The following CCT3 variants were observed in gnomAD, a reference collection of about 807,000 sequenced individuals.
CCT3 encodes the protein chaperonin containing TCP1 subunit 3, also known as T-complex protein 1 subunit gamma.
CCT3 carries 10 observed loss-of-function variants against 65.3 expected under a neutral mutation model. The observed-to-expected ratio is 0.15, with a 90% confidence interval of 0.09 to 0.26. The LOEUF is 0.26. CCT3 is among the 10% of genes least tolerant of loss of function. CCT3 has a pLI of 1.00. For synonymous variants in CCT3, 225 were observed against 242.3 expected (o/e 0.93, Z 0.66); for missense variants, 626 against 708.7 (o/e 0.88, Z 1.33).
At chr1:156,309,531 A>G (rs1572624626) in intron 13 of CCT3, among the ~76,000 whole-genome samples, 1 of 151,864 alleles carries the variant, frequency 6.6e-6, no homozygotes, top group Admixed American at 6.6e-5. Context: ...GGTTCAAGCG[A>G]TTCTACTACC....
At position 156,320,824 on chromosome 1, in the gene CCT3, A is replaced by G. The variant is rs370204852; in HGVS notation, c.609+15T>C. On this transcript the variant is annotated intron_variant, in intron 7 of 13. Coordinates refer to ENST00000295688, the MANE Select transcript of CCT3 (RefSeq NM_005998.5). The stretch of plus-strand genomic sequence containing the variant: ...ACATATAATTTGACCCAATGTATAC[A>G]CTTTGAAAGTTTACCTTTTCCACTC... 2.6e-6 allele frequency: 4 copies of G among 1,562,308 alleles called. No individual in the cohort carries two copies. The highest frequency in any genetic ancestry group is 3.5e-6 in the Non-Finnish European group (4 of 1,134,202).
intron 11 of CCT3, among the ~76,000 whole-genome samples, chr1:156,311,539 A>C (rs566389930): frequency 5.9e-5 from 9 of 152,334 alleles, no homozygotes; most frequent in African/African-American, 2.2e-4. Flanking sequence ...GATAAGAGCC[A>C]TAACCTATTC....
At chr1:156,323,091 G>A (rs1664634421) in intron 6 of CCT3, among the ~76,000 whole-genome samples, 1 of 151,930 alleles carries the variant, frequency 6.6e-6, no homozygotes, top group Non-Finnish European at 1.5e-5. Flanking sequence ...TGGATCACCT[G>A]AGGTTGAAAG....
At position 156,327,979 on chromosome 1, in the gene CCT3, C is replaced by T. The variant is rs573512793; in HGVS notation, c.305-2890G>A. On this transcript the variant is annotated intron_variant, in intron 5 of 13. Transcript: ENST00000295688. ...GTGAGGAGACCCTCTGCCTGGCAACCGCCCTGTCTGAGAAGTGAGGAGCCC... is the reference window on the plus strand; with the variant it reads ...GTGAGGAGACCCTCTGCCTGGCAACTGCCCTGTCTGAGAAGTGAGGAGCCC... Among the ~76,000 whole-genome samples, 23 of 146,200 alleles carry T rather than the reference C, an allele frequency of 1.6e-4. No individual in the cohort carries two copies. The South Asian group carries it at 4.2e-3, about 27-fold the overall frequency.
chr1:156,338,035 G>C (rs1332174661), intron 1 of CCT3, 119 bp downstream of exon 1: 3 of 1,114,426 alleles, frequency 2.7e-6, no homozygotes, highest in Non-Finnish European at 4.0e-6. Context: ...CCAAAATGAA[G>C]ACGATGATTG....
At chr1:156,334,303 T>G (rs976816061) in intron 4 of CCT3, among the ~76,000 whole-genome samples, 1 of 152,082 alleles carries the variant, frequency 6.6e-6, no homozygotes, top group South Asian at 2.1e-4. Context: ...TTTTACTTTA[T>G]TTTAAAATAG....
At chr1:156,338,128 C>A in intron 1 of CCT3, 26 bp downstream of exon 1, 1 of 1,576,554 alleles carries the variant, frequency 6.3e-7, no homozygotes, top group South Asian at 1.2e-5. Flanking sequence ...AAAGGGGGTC[C>A]ATTTCCTGGC....
At chr1:156,310,797 CA>C (rs1664051632) in intron 12 of CCT3, 108 bp from the exon 13 acceptor site, 1 of 1,443,154 alleles carries the variant, frequency 6.9e-7, no homozygotes, top group Non-Finnish European at 9.5e-7. Flanking sequence ...GGAAAAATGG[CA>C]ATGACAGCAA....
Position 156,337,092 on chromosome 1 carries a change from T to C in CCT3, c.31+1062A>G, listed in dbSNP as rs959937441. 1.5e-5 allele frequency: 19 copies of C among 1,285,246 alleles called. No homozygotes were observed. In the Admixed American group the frequency reaches 2.8e-4, roughly 19 times the overall value. 79.6% of individuals were successfully genotyped at this position (1,285,246 alleles called of 1,614,324 possible). A position where few individuals can be genotyped will look rare whatever the true frequency, so the allele number is the denominator to read the frequency against. ...ATGGAAACATACCAAAGGAAGACAA[T>C]GGAGGTGGTGCTCATCAGAAAAAAA... On this transcript the variant is annotated intron_variant, in intron 1 of 13. Transcript: ENST00000295688.
chr1:156,310,820 A>G (rs1329954323), intron 12 of CCT3, 130 bp downstream of exon 12: 21 of 1,453,528 alleles, frequency 1.4e-5, no homozygotes, highest in Non-Finnish European at 2.0e-5. Context: ...CAAGTCAAAG[A>G]CTAAAAGGAG....
intron 5 of CCT3, among the ~76,000 whole-genome samples, chr1:156,329,983 G>A (rs544751188): frequency 2.2e-4 from 34 of 151,620 alleles, no homozygotes; most frequent in Non-Finnish European, 4.4e-4. Context: ...CTTAGAAAAG[G>A]ATATACCCTA....
intron 5 of CCT3, among the ~76,000 whole-genome samples, chr1:156,329,391 C>G (rs913113894): frequency 1.3e-5 from 2 of 150,400 alleles, no homozygotes; most frequent in Non-Finnish European, 3.0e-5. Flanking sequence ...CTGCAACCTC[C>G]ACCTCTCAGG....
chr1:156,326,673 G>A lies in CCT3; in HGVS notation c.305-1584C>T, dbSNP rs141427072. On this transcript the variant is annotated intron_variant, in intron 5 of 13. Coordinates refer to ENST00000295688, the MANE Select transcript of CCT3 (RefSeq NM_005998.5). Reference sequence around the variant, plus strand: ...TCAAAAAAAAAAAAAAAAAGAAAAAGAAAAAAAAAAGAAAATGTACACAAT... The same window carrying A: ...TCAAAAAAAAAAAAAAAAAGAAAAAAAAAAAAAAAAGAAAATGTACACAAT... 5.9e-4 allele frequency among the ~76,000 whole-genome samples: 81 copies of A among 138,134 alleles called. No homozygotes were observed. In the Middle Eastern group the frequency reaches 0.016, roughly 26 times the overall value. The allele number at this position is 138,134 out of a possible 152,430, so 90.6% of individuals were successfully genotyped here.
Position 156,312,219 on chromosome 1 carries a change from G to C in CCT3, c.977C>G (p.Ala326Gly). 6.2e-7 allele frequency: 1 copy of C among 1,613,506 alleles called. No homozygotes were observed. The highest frequency in any genetic ancestry group is 1.1e-5 in the South Asian group (1 of 91,006). Reference sequence around the variant, plus strand: ...TCGGCTGACTATCCGGGCCCCACAGGCTCTAATGGACGGAAGAGGTGGGGA... The same window carrying C: ...TCGGCTGACTATCCGGGCCCCACAGCCTCTAATGGACGGAAGAGGTGGGGA... ...RKTDNNRIAR[A>G]CGARIVSRPE... Residue 326 changes from alanine (A) to glycine (G), a missense_variant and splice_region_variant, in exon 11 of 14, where the codon GCC (alanine) becomes GGC (glycine). Coordinates refer to ENST00000295688, the MANE Select transcript of CCT3 (RefSeq NM_005998.5).
intron 6 of CCT3, among the ~76,000 whole-genome samples, chr1:156,323,851 C>T (rs1413503028): frequency 6.6e-6 from 1 of 152,216 alleles, no homozygotes; most frequent in African/African-American, 2.4e-5. Flanking sequence ...CAAACTCCGC[C>T]TCCCGGGTTC....
rs949154333 is a variant in CCT3 at position 156,333,707 on chromosome 1, C to T, written c.208-64G>A. ...AGACCTCTGAACTCATGAAGCTTGG[C>T]CCTAACTCTTGGGCTTCTTGCTTCT... On this transcript the variant is annotated intron_variant, in intron 4 of 13. Transcript: ENST00000295688. 1.8e-5 allele frequency: 23 copies of T among 1,247,094 alleles called. 1 individual carries two copies. The Middle Eastern group carries it at 1.1e-3, about 61-fold the overall frequency. The allele number at this position is 1,247,094 out of a possible 1,614,324, so 77.3% of individuals were successfully genotyped here.
intron 10 of CCT3, among the ~76,000 whole-genome samples, chr1:156,314,137 G>A (rs1034842947): frequency 6.8e-6 from 1 of 147,382 alleles, no homozygotes; most frequent in South Asian, 2.1e-4. Context: ...CCAACAAAGA[G>A]AACATGATGA....
At chr1:156,314,630 T>C (rs922692394) in intron 10 of CCT3, among the ~76,000 whole-genome samples, 3 of 151,916 alleles carry the variant, frequency 2.0e-5, no homozygotes. Context: ...AGGAGAATCG[T>C]TTGAACCCAG....
chr1:156,322,507 AT>A (rs1664600338), intron 6 of CCT3, among the ~76,000 whole-genome samples: 2 of 151,746 alleles, frequency 1.3e-5, no homozygotes, highest in African/African-American at 2.4e-5. Context: ...CCCCAAAAAA[AT>A]TTTTTTAATA....
Sources: gnomAD v4.1 joint callset for allele counts (sites outside exome capture counted in the v4.1 genomes callset) on GRCh38, gnomAD v4.1.1 for gene constraint, MANE v1.5 for transcripts, NCBI Gene and HGNC (gene_info 2026-07-23, HGNC 2026-07-21) for gene names.